Variants in LDLRAD3 observed in about 807,000 individuals in gnomAD.
LDLRAD3 encodes the protein low density lipoprotein receptor class A domain containing 3.
Under a neutral mutation model 29.4 loss-of-function variants are expected in LDLRAD3, and 20 were observed. The ratio of observed to expected loss-of-function variants is 0.68; its 90% confidence interval spans 0.48 to 0.99. LDLRAD3 has a LOEUF of 0.99. Among genes scored for constraint, LDLRAD3 ranks in the 50% least tolerant of loss-of-function variants. The pLI is 0.00. For missense variants in LDLRAD3, 420 were observed against 454.3 expected (o/e 0.92, Z 0.69); for synonymous variants, 157 against 192.7 (o/e 0.81, Z 1.53).
chr11:35,975,931 G>A (rs957436924), intron 1 of LDLRAD3, among the ~76,000 whole-genome samples: 1 of 151,828 alleles, frequency 6.6e-6, no homozygotes, highest in Admixed American at 6.6e-5. Context: ...GAACAGGTGA[G>A]TAGAGCATTG....
intron 4 of LDLRAD3, among the ~76,000 whole-genome samples, chr11:36,155,603 A>C (rs917395087): frequency 7.2e-5 from 11 of 152,190 alleles, no homozygotes; most frequent in African/African-American, 2.4e-4. Context: ...CCTCTGTAAA[A>C]TAAGGATAAT....
chr11:36,100,520 AC>A (rs1853430877), intron 4 of LDLRAD3, among the ~76,000 whole-genome samples: 1 of 152,104 alleles, frequency 6.6e-6, no homozygotes, highest in Non-Finnish European at 1.5e-5. Flanking sequence ...GCTCAGTGCA[AC>A]CTCTGCCTCC....
intron 1 of LDLRAD3, among the ~76,000 whole-genome samples, chr11:35,950,832 C>A (rs1253338167): frequency 6.6e-6 from 1 of 152,070 alleles, no homozygotes; most frequent in Non-Finnish European, 1.5e-5. Context: ...GCCTGTAATC[C>A]CAGCACTTTG....
At chr11:36,187,507 T>C (rs1370140935) in intron 4 of LDLRAD3, among the ~76,000 whole-genome samples, 2 of 152,224 alleles carry the variant, frequency 1.3e-5, no homozygotes, top group African/African-American at 4.8e-5. Flanking sequence ...TCAGTGGCTA[T>C]CATATATCCA....
intron 4 of LDLRAD3, among the ~76,000 whole-genome samples, chr11:36,183,317 G>A (rs1055533073): frequency 8.4e-6 from 1 of 119,076 alleles, no homozygotes; most frequent in Non-Finnish European, 2.0e-5. Flanking sequence ...ACTAGGGTGT[G>A]ATTACTTGCT....
intron 1 of LDLRAD3, among the ~76,000 whole-genome samples, chr11:36,007,083 C>T (rs1851894680): frequency 6.6e-6 from 1 of 152,170 alleles, no homozygotes; most frequent in Non-Finnish European, 1.5e-5. Context: ...ATTCCAAGAG[C>T]TTTGGAAAAA....
In LDLRAD3 at chr11:36,032,372, A is replaced by G. The variant is rs146683427; in HGVS notation, c.47-3731A>G. On this transcript the variant is annotated intron_variant, in intron 1 of 5. Coordinates refer to ENST00000315571, the MANE Select transcript of LDLRAD3 (RefSeq NM_174902.4). ...TCTAGAAGCAGGCAGCAACTGGACC[A>G]TGCTGGGCTTTGTAAACTATGGCCA... 3.9e-5 allele frequency among the ~76,000 whole-genome samples: 6 copies of G among 152,346 alleles called. No homozygotes were observed. In the East Asian group the frequency reaches 5.8e-4, roughly 15 times the overall value.
chr11:36,064,479 A>ATTTTT (rs34464861), intron 2 of LDLRAD3, among the ~76,000 whole-genome samples: 10 of 120,590 alleles, frequency 8.3e-5, no homozygotes, highest in African/African-American at 1.8e-4. Context: ...TGGCTAATTA[A>ATTTTT]TTTTTTTTTT....
chr11:35,977,123 T>C (rs1041779299), intron 1 of LDLRAD3, among the ~76,000 whole-genome samples: 19 of 152,314 alleles, frequency 1.2e-4, no homozygotes, highest in African/African-American at 3.8e-4. Flanking sequence ...CAGGGTGGCA[T>C]GGTGCTAGCT....
At chr11:36,227,603 C>T (rs1855519517) in intron 5 of LDLRAD3, among the ~76,000 whole-genome samples, 173 bp downstream of exon 5, 1 of 152,226 alleles carries the variant, frequency 6.6e-6, no homozygotes, top group Non-Finnish European at 1.5e-5. Flanking sequence ...CATGTATCAC[C>T]TCATTTAATC....
intron 4 of LDLRAD3, among the ~76,000 whole-genome samples, chr11:36,155,508 G>A (rs909897868): frequency 2.6e-5 from 4 of 152,114 alleles, no homozygotes; most frequent in African/African-American, 4.8e-5. Flanking sequence ...GCTGGCCTCC[G>A]TGCCTGGAAC....
chr11:36,050,021 A>G (rs1216207622), intron 2 of LDLRAD3, among the ~76,000 whole-genome samples: 4 of 152,112 alleles, frequency 2.6e-5, no homozygotes, highest in Non-Finnish European at 1.5e-5. Context: ...CTGACCTCTG[A>G]GAGAGAGGTG....
Position 36,230,856 on chromosome 11 carries a change from G to T in LDLRAD3, c.*1459G>T, listed in dbSNP as rs1855566355. ...CCTGTGTGCCAGACATTTGTGCATTGTTGCACTTTGAGGTTATTATTTATC... is the reference window on the plus strand; with the variant it reads ...CCTGTGTGCCAGACATTTGTGCATTTTTGCACTTTGAGGTTATTATTTATC... On this transcript the variant is annotated 3_prime_UTR_variant, in exon 6 of 6. Transcript: ENST00000315571. 1 of 152,550 alleles carries T rather than the reference G, an allele frequency of 6.6e-6. No homozygotes were observed. Among genetic ancestry groups the T allele is most frequent in the African/African-American group, 2.4e-5 (1 of 41,430 alleles). The allele number at this position is 152,550 out of a possible 1,614,324, so 9.4% of individuals were successfully genotyped here.
At chr11:35,967,264 G>T in intron 1 of LDLRAD3, 1 of 200,654 alleles carries the variant, frequency 5.0e-6, no homozygotes, top group South Asian at 1.0e-4. Flanking sequence ...GCCAATTTCT[G>T]ACCAGAGCTG....
At chr11:36,055,236 G>A in intron 2 of LDLRAD3, among the ~76,000 whole-genome samples, 1 of 144,760 alleles carries the variant, frequency 6.9e-6, no homozygotes. Flanking sequence ...CACCTGCCCT[G>A]ACCCCAATTC....
chr11:36,091,808 C>A (rs931948301), intron 3 of LDLRAD3, among the ~76,000 whole-genome samples: 1 of 152,162 alleles, frequency 6.6e-6, no homozygotes, highest in Non-Finnish European at 1.5e-5. Flanking sequence ...TGAAACATAA[C>A]ATCCCAGAGG....
At chr11:36,081,572 C>T in intron 2 of LDLRAD3, 81 bp from the exon 3 acceptor site, 1 of 1,555,234 alleles carries the variant, frequency 6.4e-7, no homozygotes, top group Non-Finnish European at 8.8e-7. Flanking sequence ...GACTCATTTT[C>T]ACATTCAGTG....
intron 4 of LDLRAD3, among the ~76,000 whole-genome samples, chr11:36,098,908 T>A (rs1253342245): frequency 6.6e-6 from 1 of 152,176 alleles, no homozygotes; most frequent in African/African-American, 2.4e-5. Flanking sequence ...TTTTTAAGTT[T>A]ACATTGCTGA....
chr11:35,988,609 A>T (rs1406779790), intron 1 of LDLRAD3, among the ~76,000 whole-genome samples: 12 of 143,502 alleles, frequency 8.4e-5, no homozygotes, highest in Non-Finnish European at 1.1e-4. Context: ...TTTGAGTTGG[A>T]GTCTTGCTCT....
Sources: allele counts gnomAD v4.1 joint callset (sites outside exome capture counted in the v4.1 genomes callset), GRCh38; gene constraint gnomAD v4.1.1; transcripts MANE v1.5; gene names NCBI Gene and HGNC (gene_info 2026-07-23, HGNC 2026-07-21).